TBX20: variants seen among roughly 807,000 people sequenced by gnomAD.
TBX20 encodes T-box transcription factor TBX20.
A neutral mutation model predicts 42.9 loss-of-function variants in TBX20; 8 were observed. The observed-to-expected ratio is 0.19, with a 90% CI of 0.11 to 0.34. TBX20 has a LOEUF of 0.34. Among genes scored for constraint, TBX20 ranks in the 10% least tolerant of loss-of-function variants. TBX20 has a pLI of 1.00. For missense variants in TBX20, 411 were observed against 566.0 expected, an observed-to-expected ratio of 0.73 and a Z score of 2.78; for synonymous variants, 198 against 222.8, an observed-to-expected ratio of 0.89 and a Z score of 0.99.
intron 1 of TBX20, among the ~76,000 whole-genome samples, chr7:35,251,384 C>CT (rs1408924991): frequency 6.6e-6 from 1 of 152,164 alleles, no homozygotes; most frequent in African/African-American, 2.4e-5. Flanking sequence ...AGTGGTTTTA[C>CT]TTTTACTTCT....
intron 6 of TBX20, among the ~76,000 whole-genome samples, chr7:35,226,324 C>T (rs1789769601): frequency 7.0e-6 from 1 of 143,234 alleles, no homozygotes; most frequent in African/African-American, 2.6e-5. Context: ...ATGATTCCAA[C>T]ATATATGAAC....
At chr7:35,235,781 T>C (rs1429867992) in intron 5 of TBX20, among the ~76,000 whole-genome samples, 1 of 152,164 alleles carries the variant, frequency 6.6e-6, no homozygotes, top group Non-Finnish European at 1.5e-5. Context: ...ATTTTGACAC[T>C]ACCTGCTGTG....
At chr7:35,215,519 AG>A (rs1306617979) in intron 6 of TBX20, among the ~76,000 whole-genome samples, 1 of 152,226 alleles carries the variant, frequency 6.6e-6, no homozygotes. Flanking sequence ...AGGTATCACA[AG>A]CTAAGACACT....
At chr7:35,251,104 C>G (rs1302891721) in intron 1 of TBX20, among the ~76,000 whole-genome samples, 35 of 152,204 alleles carry the variant, frequency 2.3e-4, no homozygotes, top group Non-Finnish European at 4.6e-4. Context: ...CATTCTCCCC[C>G]ACAGCTGATA....
chr7:35,207,969 CA>C lies in TBX20; in HGVS notation c.891-3388del, dbSNP rs112772894. Among the ~76,000 whole-genome samples, 82 of 152,120 alleles carry C rather than the reference CA, an allele frequency of 5.4e-4. 1 individual carries two copies. The highest frequency in any genetic ancestry group is 1.7e-3 in the African/African-American group (71 of 41,508). ...TTTAATATTACTTTGTCAATCTCTACAAAAAAGACTCCTGTGATTTTGGTCA... is the reference window on the plus strand; with the variant it reads ...TTTAATATTACTTTGTCAATCTCTACAAAAAGACTCCTGTGATTTTGGTCA... On this transcript the variant is annotated intron_variant, in intron 6 of 7. Coordinates refer to ENST00000408931, the MANE Select transcript of TBX20 (RefSeq NM_001077653.2).
intron 5 of TBX20, among the ~76,000 whole-genome samples, chr7:35,233,943 C>T (rs575633347): frequency 6.6e-6 from 1 of 152,300 alleles, no homozygotes; most frequent in Non-Finnish European, 1.5e-5. Flanking sequence ...GGTGGCACCA[C>T]CTCCAACAAA....
At chr7:35,241,505 T>C (rs923566633) in intron 4 of TBX20, among the ~76,000 whole-genome samples, 3 of 152,200 alleles carry the variant, frequency 2.0e-5, no homozygotes, top group Non-Finnish European at 2.9e-5. Context: ...GGTAAAAATT[T>C]TGAATCTGTC....
At chr7:35,205,481 G>A (rs1419046364) in intron 6 of TBX20, among the ~76,000 whole-genome samples, 1 of 152,090 alleles carries the variant, frequency 6.6e-6, no homozygotes, top group East Asian at 1.9e-4. Flanking sequence ...AAATTGACCA[G>A]CAAAGGACAA....
intron 7 of TBX20, 44 bp downstream of exon 7, chr7:35,204,426 T>A (rs770121008): frequency 7.4e-7 from 1 of 1,344,666 alleles, no homozygotes; most frequent in South Asian, 1.2e-5. Flanking sequence ...CTCCTTTAGG[T>A]GCTCTGCCTC....
At chr7:35,231,258 T>G (rs1399779622) in intron 6 of TBX20, among the ~76,000 whole-genome samples, 1 of 152,198 alleles carries the variant, frequency 6.6e-6, no homozygotes, top group Non-Finnish European at 1.5e-5. Flanking sequence ...AGCCCTATTT[T>G]TTATAGTAGA....
intron 3 of TBX20, 66 bp from the exon 4 acceptor site, chr7:35,245,123 A>G: frequency 8.3e-7 from 1 of 1,200,284 alleles, no homozygotes; most frequent in Admixed American, 1.9e-5. Context: ...AGGTTATAAA[A>G]TGTTCTAATT....
At chr7:35,239,619 G>A (rs1368153067) in intron 5 of TBX20, among the ~76,000 whole-genome samples, 8 of 152,172 alleles carry the variant, frequency 5.3e-5, no homozygotes, top group Non-Finnish European at 8.8e-5. Flanking sequence ...TTAAGCTTAC[G>A]CTGGGCACAA....
At chr7:35,223,758 G>A (rs1014533655) in intron 6 of TBX20, among the ~76,000 whole-genome samples, 18 of 152,114 alleles carry the variant, frequency 1.2e-4, no homozygotes, top group African/African-American at 4.1e-4. Context: ...CAGAGTAGAA[G>A]ACAGAAAGGA....
intron 4 of TBX20, among the ~76,000 whole-genome samples, chr7:35,242,030 G>A (rs561185258): frequency 4.6e-5 from 7 of 151,938 alleles, no homozygotes; most frequent in South Asian, 4.2e-4. Flanking sequence ...AGCAGAAAGC[G>A]GGACTCTCAG....
chr7:35,204,524 A>G lies in TBX20; in HGVS notation c.949T>C (p.Tyr317His). ...CCCAAGACATCTTCTTCTCCTCCGT[A>G]GGTACGGATGGGTGAGCGTGCATAG... ...HSYARSPIRT[Y>H]GGEEDVLGDE... The change falls in exon 7 of 8, where the codon TAC (tyrosine) becomes CAC (histidine). Residue 317 changes from tyrosine (Y) to histidine (H), a missense_variant. Coordinates refer to ENST00000408931, the MANE Select transcript of TBX20 (RefSeq NM_001077653.2). The G allele has an allele frequency of 6.2e-7, 1 of 1,614,136 alleles. No homozygotes were observed. The highest frequency in any genetic ancestry group is 1.1e-5 in the South Asian group (1 of 91,078).
At chr7:35,252,869 A>G (rs1790332121) in intron 1 of TBX20, among the ~76,000 whole-genome samples, 1 of 152,244 alleles carries the variant, frequency 6.6e-6, no homozygotes, top group African/African-American at 2.4e-5. Context: ...TAAACAAACA[A>G]CATAACTAAA....
intron 4 of TBX20, among the ~76,000 whole-genome samples, chr7:35,243,648 A>G (rs1219069525): frequency 6.6e-6 from 1 of 152,162 alleles, no homozygotes; most frequent in Non-Finnish European, 1.5e-5. Flanking sequence ...AAATCACTCC[A>G]TACTTCATAA....
At chr7:35,208,276 T>C (rs1789433555) in intron 6 of TBX20, among the ~76,000 whole-genome samples, 1 of 152,250 alleles carries the variant, frequency 6.6e-6, no homozygotes, top group Non-Finnish European at 1.5e-5. Flanking sequence ...TTCTGTGAAC[T>C]TGCCAAACAC....
At position 35,248,757 on chromosome 7, in the gene TBX20, C is replaced by T. The variant is rs183435583; in HGVS notation, c.465G>A (p.Val155=). ...KYIVLMDIVP[V]DNKRYRYAYH... ...AGGCGTAGCGGTACCTCTTGTTGTC[C>T]ACAGGGACGATGTCCATCAGGACTA... Residue 155 remains valine, a synonymous_variant, in exon 3 of 8, where the codon GTG becomes GTA. Coordinates refer to ENST00000408931, the MANE Select transcript of TBX20 (RefSeq NM_001077653.2). 6.2e-7 allele frequency: 1 copy of T among 1,614,172 alleles called. No homozygotes were observed. The highest frequency in any genetic ancestry group is 1.7e-5 in the Admixed American group (1 of 60,030).
Sources: allele counts gnomAD v4.1 joint callset (sites outside exome capture counted in the v4.1 genomes callset), GRCh38; gene constraint gnomAD v4.1.1; transcripts MANE v1.5; gene names NCBI Gene and HGNC (gene_info 2026-07-23, HGNC 2026-07-21).